Variants in GSE1 observed in about 807,000 individuals in gnomAD.
The protein encoded by GSE1 is genetic suppressor element 1.
GSE1 carries 32 observed loss-of-function variants against 112.6 expected under a neutral mutation model. That is an observed-to-expected ratio of 0.28 (90% CI 0.21 to 0.38). The LOEUF is 0.38. Ranked by LOEUF, GSE1 falls within the 10% of genes least tolerant of loss-of-function variation. GSE1 has a pLI of 1.00. For synonymous variants in GSE1, 1,115 were observed against 735.6 expected (o/e 1.52, Z -8.35); for missense variants, 2,348 against 1,699.2 (o/e 1.38, Z -6.71).
At chr16:85,479,188 ATTT>A (rs59825091) in intron 2 of GSE1, among the ~76,000 whole-genome samples, 4 of 82,476 alleles carry the variant, frequency 4.8e-5, no homozygotes, top group African/African-American at 2.1e-4. Flanking sequence ...TGCCCGGCTA[ATTT>A]TTTTTTTTTT....
At chr16:85,290,795 C>G (rs546554799) in intron 1 of GSE1, among the ~76,000 whole-genome samples, 2 of 151,910 alleles carry the variant, frequency 1.3e-5, no homozygotes, top group Non-Finnish European at 2.9e-5. Context: ...ACCAGATGGC[C>G]GGCCAGTGCC....
chr16:85,171,290 C>A lies in GSE1; in HGVS notation c.1766C>A (p.Pro589His), dbSNP rs987367614. 10 of 985,488 alleles carry A rather than the reference C, an allele frequency of 1.0e-5. No homozygotes were observed. In the African/African-American group the frequency reaches 1.7e-4, roughly 17 times the overall value. 61.0% of individuals were successfully genotyped at this position (985,488 alleles called of 1,614,324 possible). A position where few individuals can be genotyped will look rare whatever the true frequency, so the allele number is the denominator to read the frequency against. The change falls in exon 1 of 3, where the codon CCC becomes CAC. Residue 589 changes from proline to histidine, a missense_variant. By Grantham distance (77) the Pro-to-His change is moderately conservative. Coordinates refer to the GSE1 transcript ENST00000637419. ...CTGCCGGCGTCGGCCCAGGGCGGCC[C>A]CGTGTCCATCTGCTACATCTGTGGG...
At position 85,615,821 on chromosome 16, in the gene GSE1, T is replaced by A. The variant is rs527390897; in HGVS notation, c.7+2423T>A. ...TTCCAAGCCCAGTTAAGCCACAGCCTCTGGGTTCCTGACCCGGGTCTGGGG... is the reference window on the plus strand; with the variant it reads ...TTCCAAGCCCAGTTAAGCCACAGCCACTGGGTTCCTGACCCGGGTCTGGGG... On this transcript the variant is annotated intron_variant, in intron 1 of 15. Coordinates refer to ENST00000253458, the MANE Select transcript of GSE1 (RefSeq NM_014615.5). Among the ~76,000 whole-genome samples, 12 of 152,320 alleles carry A rather than the reference T, an allele frequency of 7.9e-5. 1 individual carries two copies. In the South Asian group the frequency reaches 2.5e-3, roughly 32 times the overall value.
chr16:85,586,545 G>A (rs2046703525), intron 1 of GSE1, among the ~76,000 whole-genome samples: 1 of 152,214 alleles, frequency 6.6e-6, no homozygotes, highest in Non-Finnish European at 1.5e-5. Flanking sequence ...TCCCTCCCGG[G>A]AGCCGGGCCA....
chr16:85,319,540 C>T (rs2046055874), intron 1 of GSE1, among the ~76,000 whole-genome samples: 1 of 152,144 alleles, frequency 6.6e-6, no homozygotes, highest in Admixed American at 6.5e-5. Context: ...TGTGCTGAGC[C>T]CATTGGAGCT....
chr16:85,462,549 C>A (rs970903313), intron 2 of GSE1, among the ~76,000 whole-genome samples: 41 of 151,910 alleles, frequency 2.7e-4, no homozygotes, highest in Non-Finnish European at 5.6e-4. Context: ...ACTTGATGCT[C>A]GGCACTTGAA....
At chr16:85,583,085 C>T (rs1039206262) in intron 1 of GSE1, among the ~76,000 whole-genome samples, 4 of 152,148 alleles carry the variant, frequency 2.6e-5, no homozygotes, top group African/African-American at 9.7e-5. Context: ...CTCCAGAGGA[C>T]ACCCTCCTGC....
chr16:85,630,683 C>G (rs979444455), intron 1 of GSE1, among the ~76,000 whole-genome samples: 8 of 152,210 alleles, frequency 5.3e-5, no homozygotes, highest in African/African-American at 1.7e-4. Context: ...TGTGACCATT[C>G]ACGCCTTCTG....
chr16:85,528,662 T>TGTTTTGTTTC (rs2052445042), intron 2 of GSE1, among the ~76,000 whole-genome samples: 1 of 151,706 alleles, frequency 6.6e-6, no homozygotes, highest in Non-Finnish European at 1.5e-5. Flanking sequence ...TGTTTTGTTT[T>TGTTTTGTTTC]GTTTTGTTTT....
intron 8 of GSE1, among the ~76,000 whole-genome samples, chr16:85,660,643 T>G (rs536894091): frequency 1.3e-5 from 2 of 152,060 alleles, no homozygotes; most frequent in Admixed American, 6.5e-5. Context: ...TTTTTTTGTT[T>G]TTTTTGAGAC....
chr16:85,611,446 C>T, upstream of GSE1: 1 of 984,892 alleles, frequency 1.0e-6, no homozygotes, highest in Non-Finnish European at 1.2e-6. Context: ...CGGCCAAGGC[C>T]GCAAGGGGGG....
chr16:85,640,063 G>T (rs2050317156), intron 2 of GSE1, among the ~76,000 whole-genome samples: 1 of 152,218 alleles, frequency 6.6e-6, no homozygotes, highest in African/African-American at 2.4e-5. Flanking sequence ...GTGGGCTGGA[G>T]AGCCGCCGTC....
At chr16:85,600,354 T>C (rs371712464) in intron 1 of GSE1, among the ~76,000 whole-genome samples, 17 of 151,978 alleles carry the variant, frequency 1.1e-4, no homozygotes, top group African/African-American at 3.4e-4. Flanking sequence ...GATGCTTCCA[T>C]GTGGGCCAAG....
intron 3 of GSE1, among the ~76,000 whole-genome samples, chr16:85,650,893 C>T (rs1480238938): frequency 2.6e-5 from 4 of 151,954 alleles, no homozygotes; most frequent in Non-Finnish European, 4.4e-5. Flanking sequence ...TCGGGGTCAC[C>T]CCTCTCTCCC....
chr16:85,453,620 C>G (rs1428032439), intron 2 of GSE1, among the ~76,000 whole-genome samples: 1 of 152,056 alleles, frequency 6.6e-6, no homozygotes, highest in Admixed American at 6.5e-5. Context: ...TGCCCCTCAC[C>G]CCATGAGACC....
intron 1 of GSE1, among the ~76,000 whole-genome samples, chr16:85,325,045 A>G (rs1205669532): frequency 6.6e-6 from 1 of 152,070 alleles, no homozygotes; most frequent in East Asian, 1.9e-4. Flanking sequence ...TCAGCTTGCT[A>G]CAACCTCGAC....
At chr16:85,522,174 C>A (rs1598053509) in intron 2 of GSE1, among the ~76,000 whole-genome samples, 1 of 152,270 alleles carries the variant, frequency 6.6e-6, no homozygotes, top group Admixed American at 6.5e-5. Flanking sequence ...AAGTGGGGCT[C>A]CCTCCTCTCC....
At chr16:85,280,819 T>C (rs913387126) in intron 1 of GSE1, among the ~76,000 whole-genome samples, 13 of 152,228 alleles carry the variant, frequency 8.5e-5, no homozygotes, top group Non-Finnish European at 1.8e-4. Context: ...CTCTGAGGAC[T>C]CTGTCTTGTG....
intron 1 of GSE1, among the ~76,000 whole-genome samples, chr16:85,335,076 C>T (rs570975877): frequency 1.4e-4 from 21 of 152,366 alleles, no homozygotes; most frequent in Middle Eastern, 3.4e-3. Context: ...TTGAGTTTCC[C>T]GTGCGGTGGG....
Sources: gnomAD v4.1 joint callset for allele counts (sites outside exome capture counted in the v4.1 genomes callset) on GRCh38, gnomAD v4.1.1 for gene constraint, MANE v1.5 for transcripts, NCBI Gene and HGNC (gene_info 2026-07-23, HGNC 2026-07-21) for gene names.